SPHKAP: variants seen among roughly 807,000 people sequenced by gnomAD.
SPHKAP encodes the protein A-kinase anchor protein SPHKAP.
A neutral mutation model predicts 137.5 loss-of-function variants in SPHKAP; 67 were observed. The observed-to-expected ratio is 0.49, with a 90% confidence interval of 0.40 to 0.60. The LOEUF (loss-of-function observed/expected upper bound fraction) is 0.60. Among genes scored for constraint, SPHKAP ranks in the 20% least tolerant of loss-of-function variants. SPHKAP has a pLI of 0.00. For missense variants in SPHKAP, 2,097 were observed against 2,069.3 expected (o/e 1.01, Z -0.26); for synonymous variants, 813 against 785.3 (o/e 1.04, Z -0.59).
intron 3 of SPHKAP, among the ~76,000 whole-genome samples, chr2:228,046,786 G>T (rs1696074177): frequency 6.6e-6 from 1 of 152,226 alleles, no homozygotes; most frequent in African/African-American, 2.4e-5. Flanking sequence ...AAGGATATGT[G>T]AACCCTCTAT....
chr2:228,069,583 C>T (rs1696943774), intron 3 of SPHKAP, among the ~76,000 whole-genome samples: 1 of 151,548 alleles, frequency 6.6e-6, no homozygotes, highest in South Asian at 2.1e-4. Context: ...ACTGTACTGG[C>T]CTCTTTATTT....
At chr2:228,089,700 A>G (rs920675518) in intron 3 of SPHKAP, among the ~76,000 whole-genome samples, 1 of 152,164 alleles carries the variant, frequency 6.6e-6, no homozygotes, top group Non-Finnish European at 1.5e-5. Flanking sequence ...CAGCCTTAGA[A>G]TACTGCTCCC....
intron 1 of SPHKAP, among the ~76,000 whole-genome samples, chr2:228,154,831 T>C (rs1700061773): frequency 6.6e-6 from 1 of 150,886 alleles, no homozygotes; most frequent in African/African-American, 2.4e-5. Context: ...AGTGCTGGGA[T>C]TACAGTCTTG....
Position 228,019,169 on chromosome 2 carries a change from G to C in SPHKAP, c.1685C>G (p.Thr562Ser). Residue 562 changes from threonine (T) to serine (S), a missense_variant, in exon 7 of 12, where the codon ACT becomes AGT. By Grantham distance (58) the Thr-to-Ser change is moderately conservative. Transcript: ENST00000392056. ...GACAGCCACGGCACTGGCCACCTGAGTCATGCCACACAAAGCAGATGGAAA... is the reference window on the plus strand; with the variant it reads ...GACAGCCACGGCACTGGCCACCTGACTCATGCCACACAAAGCAGATGGAAA... ...YSFPSALCGM[T>S]QVASAVAVCG... 6.2e-7 allele frequency: 1 copy of C among 1,613,742 alleles called. No individual in the cohort carries two copies. The highest frequency in any genetic ancestry group is 8.5e-7 in the Non-Finnish European group (1 of 1,180,040).
chr2:228,127,881 C>T (rs968775556), intron 2 of SPHKAP, among the ~76,000 whole-genome samples: 1 of 152,052 alleles, frequency 6.6e-6, no homozygotes, highest in African/African-American at 2.4e-5. Flanking sequence ...ATATTGTAGT[C>T]TATTAAGTGT....
Position 228,018,379 on chromosome 2 carries a change from A to T in SPHKAP, c.2475T>A (p.Thr825=). The change falls in exon 7 of 12, where the codon ACT becomes ACA. Residue 825 remains threonine, a synonymous_variant. Coordinates refer to ENST00000392056, the MANE Select transcript of SPHKAP (RefSeq NM_001142644.2). ...SRSHRVPDSS[T]ATTSSKEIYL... is the part of the protein sequence containing the mutation. The stretch of plus-strand genomic sequence containing the variant: ...ATATTTCCTTGGAGGATGTTGTAGC[A>T]GTTGAAGAATCGGGCACTCTGTGAC... 1 of 1,614,176 alleles carries T rather than the reference A, an allele frequency of 6.2e-7. No homozygotes were observed. The highest frequency in any genetic ancestry group is 8.5e-7 in the Non-Finnish European group (1 of 1,180,024).
At chr2:228,139,419 C>T (rs1434592516) in intron 1 of SPHKAP, among the ~76,000 whole-genome samples, 1 of 152,048 alleles carries the variant, frequency 6.6e-6, no homozygotes, top group Non-Finnish European at 1.5e-5. Context: ...AAGAAAACAG[C>T]TGTACTTCCA....
intron 2 of SPHKAP, among the ~76,000 whole-genome samples, chr2:228,113,364 G>A (rs1169179554): frequency 6.6e-6 from 1 of 152,054 alleles, no homozygotes; most frequent in Non-Finnish European, 1.5e-5. Context: ...GGCTAACATA[G>A]ATAAGGTTCT....
chr2:228,166,923 C>G (rs1282125511), intron 1 of SPHKAP, among the ~76,000 whole-genome samples: 1 of 152,118 alleles, frequency 6.6e-6, no homozygotes, highest in Admixed American at 6.6e-5. Context: ...AAAGTGGGAG[C>G]TAGCACAACA....
intron 2 of SPHKAP, among the ~76,000 whole-genome samples, chr2:228,124,812 T>G (rs1699023003): frequency 6.6e-6 from 1 of 152,192 alleles, no homozygotes. Context: ...ACACATTAAT[T>G]AAATTGCTTT....
chr2:227,991,099 T>C lies in SPHKAP; in HGVS notation c.4860A>G (p.Pro1620=). The C allele has an allele frequency of 6.2e-7, 1 of 1,614,164 alleles. No homozygotes were observed. Among genetic ancestry groups the C allele is most frequent in the Non-Finnish European group, 8.5e-7 (1 of 1,180,026 alleles). Residue 1620 remains proline (P), a synonymous_variant, in exon 11 of 12, where the codon CCA becomes CCG. Coordinates refer to ENST00000392056, the MANE Select transcript of SPHKAP (RefSeq NM_001142644.2). ...GCAGAGTGGCTCGGAGCTCGGCATC[T>C]GGACACTCTGGCTCCAGGTCAAAGT... is the stretch of plus-strand genomic sequence containing the variant. ...VINFDLEPEC[P]DAELRATLQW...
Position 228,016,512 on chromosome 2 carries a change from A to G in SPHKAP, c.4342T>C (p.Ser1448Pro). The change falls in exon 7 of 12, where the codon TCC becomes CCC. Residue 1448 changes from serine (S) to proline (P), a missense_variant. Transcript: ENST00000392056. The part of the protein sequence containing the change: ...ACAGEPEPFL[S>P]KSSLLEEAEG... The stretch of plus-strand genomic sequence containing the variant: ...GCTTCCTCTAGGAGGCTGCTTTTGG[A>G]AAGGAAGGGTTCAGGTTCCCCAGCA... The G allele has an allele frequency of 6.2e-7, 1 of 1,613,886 alleles. No individual in the cohort carries two copies. The highest frequency in any genetic ancestry group is 8.5e-7 in the Non-Finnish European group (1 of 1,179,962).
intron 7 of SPHKAP, among the ~76,000 whole-genome samples, chr2:228,006,704 A>G (rs1694152964): frequency 6.6e-6 from 1 of 152,046 alleles, no homozygotes; most frequent in Non-Finnish European, 1.5e-5. Context: ...ATGGTGATGT[A>G]CAGATGGGGT....
chr2:228,109,319 A>T (rs1418087418), intron 2 of SPHKAP: 2 of 965,256 alleles, frequency 2.1e-6, no homozygotes, highest in Admixed American at 6.2e-5. Context: ...AGTATTTTCA[A>T]TTAACAAAAT....
At chr2:228,169,233 T>G (rs1468138943) in intron 1 of SPHKAP, among the ~76,000 whole-genome samples, 1 of 152,182 alleles carries the variant, frequency 6.6e-6, no homozygotes, top group Non-Finnish European at 1.5e-5. Flanking sequence ...GTGGCTTCAA[T>G]AAACAACAGA....
At chr2:228,114,634 T>A (rs897648615) in intron 2 of SPHKAP, among the ~76,000 whole-genome samples, 1 of 152,174 alleles carries the variant, frequency 6.6e-6, no homozygotes, top group African/African-American at 2.4e-5. Flanking sequence ...GAGTATGCAA[T>A]TGATACGTGG....
In SPHKAP at chr2:228,016,586, G is replaced by C. The variant is rs760739252; in HGVS notation, c.4268C>G (p.Ser1423Trp). 3 of 1,613,898 alleles carry C rather than the reference G, an allele frequency of 1.9e-6. No homozygotes were observed. The highest frequency in any genetic ancestry group is 2.5e-6 in the Non-Finnish European group (3 of 1,180,024). Residue 1423 changes from serine (S) to tryptophan (W), a missense_variant, in exon 7 of 12, where the codon TCG (serine) becomes TGG (tryptophan). Physicochemically the swap from Ser to Trp is radical, Grantham distance 177 (BLOSUM62 -3). Coordinates refer to ENST00000392056, the MANE Select transcript of SPHKAP (RefSeq NM_001142644.2). ...AATCTGAATCAAAGGCACTTCCCTC[G>C]AGCAAAGTGATCGCCTTTTGTGGTT... ...PINHKRRSLCSREVPLIQIET... is the reference protein window; with the variant it reads ...PINHKRRSLCWREVPLIQIET...
chr2:228,060,734 T>C (rs1431079845), intron 3 of SPHKAP, among the ~76,000 whole-genome samples: 1 of 152,074 alleles, frequency 6.6e-6, no homozygotes, highest in Non-Finnish European at 1.5e-5. Flanking sequence ...CAAATGGTGG[T>C]TTGGGAGAAA....
At chr2:228,113,450 G>A (rs1698581633) in intron 2 of SPHKAP, among the ~76,000 whole-genome samples, 2 of 152,050 alleles carry the variant, frequency 1.3e-5, no homozygotes, top group Admixed American at 6.6e-5. Flanking sequence ...CTTTGCCCAG[G>A]CTTAGAGGGA....
Sources: gnomAD v4.1 joint callset for allele counts (sites outside exome capture counted in the v4.1 genomes callset) on GRCh38, gnomAD v4.1.1 for gene constraint, MANE v1.5 for transcripts, NCBI Gene and HGNC (gene_info 2026-07-23, HGNC 2026-07-21) for gene names.